The following BNC2 variants were observed in gnomAD, a reference collection of about 807,000 sequenced individuals.
The protein encoded by BNC2 is zinc finger protein basonuclin-2.
BNC2 carries 20 observed loss-of-function variants against 76.3 expected under a neutral mutation model. The observed-to-expected ratio is 0.26, with a 90% confidence interval of 0.18 to 0.38. The LOEUF is 0.38. BNC2 is among the 10% of genes least tolerant of loss of function. The pLI, the probability that BNC2 is intolerant of heterozygous loss-of-function variation, is 1.00. For synonymous variants in BNC2, 582 were observed against 514.8 expected, an observed-to-expected ratio of 1.13 and a Z score of -1.77; for missense variants, 1,382 against 1,399.8, an observed-to-expected ratio of 0.99 and a Z score of 0.20.
At chr9:16,497,987 G>GTGTA (rs1822427455) in intron 5 of BNC2, among the ~76,000 whole-genome samples, 2 of 114,484 alleles carry the variant, frequency 1.7e-5, no homozygotes, top group Non-Finnish European at 3.0e-5. Context: ...TGGTGTGTGT[G>GTGTA]TGTGTGTGTG....
At chr9:16,715,217 T>C (rs896961865) in intron 3 of BNC2, among the ~76,000 whole-genome samples, 42 of 152,240 alleles carry the variant, frequency 2.8e-4, no homozygotes, top group Non-Finnish European at 7.3e-5. Context: ...TATTTTAAAA[T>C]CCTTATGCTT....
chr9:16,849,543 G>C (rs1452470367), intron 1 of BNC2, among the ~76,000 whole-genome samples: 3 of 151,822 alleles, frequency 2.0e-5, no homozygotes, highest in Non-Finnish European at 4.4e-5. Context: ...ATTTTTAGTA[G>C]AGATGGGGTT....
At chr9:16,528,190 T>C (rs1031526495) in intron 5 of BNC2, among the ~76,000 whole-genome samples, 3 of 152,228 alleles carry the variant, frequency 2.0e-5, no homozygotes, top group Non-Finnish European at 2.9e-5. Context: ...AGATAATTGT[T>C]ACTAACAAAC....
At chr9:16,781,059 G>A (rs1229746954) in intron 1 of BNC2, among the ~76,000 whole-genome samples, 3 of 151,678 alleles carry the variant, frequency 2.0e-5, no homozygotes, top group African/African-American at 7.3e-5. Flanking sequence ...CTTTATCCAG[G>A]GACTTCTTTT....
intron 5 of BNC2, among the ~76,000 whole-genome samples, chr9:16,533,582 T>C (rs1287440620): frequency 6.6e-6 from 1 of 151,976 alleles, no homozygotes; most frequent in Non-Finnish European, 1.5e-5. Flanking sequence ...TGAGGATGAA[T>C]CAAATATTCA....
At position 16,730,966 on chromosome 9, in the gene BNC2, A is replaced by G. The variant is rs532452647; in HGVS notation, c.130-2969T>C. 2.0e-5 allele frequency among the ~76,000 whole-genome samples: 3 copies of G among 152,330 alleles called. No individual in the cohort carries two copies. The South Asian group carries it at 6.2e-4, about 32-fold the overall frequency. On this transcript the variant is annotated intron_variant, in intron 2 of 6. Transcript: ENST00000380672. The stretch of plus-strand genomic sequence containing the variant: ...TTCTCTAACACTCATTTTAAAATAA[A>G]TATTTGAAAAGAACATTTAATCCCT...
chr9:16,470,714 T>C (rs1256736203), intron 5 of BNC2, among the ~76,000 whole-genome samples: 2 of 152,174 alleles, frequency 1.3e-5, no homozygotes, highest in South Asian at 2.1e-4. Flanking sequence ...TGTGCGCAGA[T>C]GCACAGAAGT....
chr9:16,635,387 G>C (rs931761356), intron 3 of BNC2, among the ~76,000 whole-genome samples: 10 of 151,732 alleles, frequency 6.6e-5, no homozygotes, highest in African/African-American at 1.9e-4. Flanking sequence ...TTTTTTTCTT[G>C]GTCTCTGTCA....
intron 1 of BNC2, among the ~76,000 whole-genome samples, chr9:16,815,843 A>T (rs952121237): frequency 9.2e-5 from 14 of 152,172 alleles, no homozygotes; most frequent in South Asian, 2.1e-4. Context: ...AAGACAGAGT[A>T]ACTATGCCTT....
chr9:16,791,842 C>CCT (rs1336380900), intron 1 of BNC2, among the ~76,000 whole-genome samples: 2 of 152,130 alleles, frequency 1.3e-5, no homozygotes, highest in African/African-American at 4.8e-5. Flanking sequence ...GCGGCTCACA[C>CCT]CTGTAACCCC....
intron 3 of BNC2, among the ~76,000 whole-genome samples, chr9:16,583,326 C>T (rs922577480): frequency 6.6e-6 from 1 of 152,044 alleles, no homozygotes; most frequent in Non-Finnish European, 1.5e-5. Flanking sequence ...AAATTACAAA[C>T]TTAGAATAAA....
rs1820515154 is a variant in BNC2 at position 16,413,341 on chromosome 9, A to C, written c.*5648T>G. On this transcript the variant is annotated 3_prime_UTR_variant, in exon 7 of 7. Transcript: ENST00000380672. ...ATAATGCTGATCCAATTCAGTGTAC[A>C]TGTAAAAATGCTTAGTTTTTTTTTT... 7.1e-6 allele frequency: 1 copy of C among 141,434 alleles called. No homozygotes were observed. The highest frequency in any genetic ancestry group is 1.5e-5 in the Non-Finnish European group (1 of 66,946). The allele number at this position is 141,434 out of a possible 1,614,324, so 8.8% of individuals were successfully genotyped here.
intron 5 of BNC2, among the ~76,000 whole-genome samples, chr9:16,519,870 G>A (rs753508725): frequency 2.6e-5 from 4 of 152,148 alleles, no homozygotes; most frequent in Non-Finnish European, 5.9e-5. Flanking sequence ...CTTCCAGGTA[G>A]AACTAAAGGA....
At position 16,591,254 on chromosome 9, in the gene BNC2, A is replaced by G. The variant is rs184616218; in HGVS notation, c.331-8169T>C. ...ACTAAGCTTACTTAAGACCAGCATG[A>G]ACTACAAGACTACATATCAATTTCA... On this transcript the variant is annotated intron_variant, in intron 3 of 6. Transcript: ENST00000380672. Among the ~76,000 whole-genome samples, 242 of 152,324 alleles carry G rather than the reference A, an allele frequency of 1.6e-3. 4 individuals carry two copies. In the South Asian group the frequency reaches 0.016, roughly 10 times the overall value.
At chr9:16,732,913 A>G (rs770640527) in intron 2 of BNC2, among the ~76,000 whole-genome samples, 1 of 152,198 alleles carries the variant, frequency 6.6e-6, no homozygotes, top group Non-Finnish European at 1.5e-5. Context: ...ATCCAATCTT[A>G]TATGTGGACT....
intron 3 of BNC2, among the ~76,000 whole-genome samples, chr9:16,664,587 C>A (rs1480323125): frequency 6.6e-6 from 1 of 152,028 alleles, no homozygotes; most frequent in Non-Finnish European, 1.5e-5. Flanking sequence ...TTCCTGTAAA[C>A]TGCCTGTATC....
At chr9:16,543,080 A>C (rs1818373972) in intron 5 of BNC2, among the ~76,000 whole-genome samples, 1 of 152,190 alleles carries the variant, frequency 6.6e-6, no homozygotes, top group Non-Finnish European at 1.5e-5. Flanking sequence ...ACAGTAGCTC[A>C]AATAAAACGT....
At chr9:16,511,445 T>TTAA (rs1413453268) in intron 5 of BNC2, among the ~76,000 whole-genome samples, 7 of 139,034 alleles carry the variant, frequency 5.0e-5, no homozygotes, top group Non-Finnish European at 9.3e-5. Context: ...TTTTTTTTTT[T>TTAA]GAGGCAGGGT....
intron 1 of BNC2, among the ~76,000 whole-genome samples, chr9:16,767,284 T>A (rs1825721608): frequency 6.6e-6 from 1 of 152,224 alleles, no homozygotes; most frequent in Admixed American, 6.5e-5. Context: ...ACTGAAATAC[T>A]GGCAGGCTGG....
Sources: allele counts gnomAD v4.1 joint callset (sites outside exome capture counted in the v4.1 genomes callset), GRCh38; gene constraint gnomAD v4.1.1; transcripts MANE v1.5; gene names NCBI Gene and HGNC (gene_info 2026-07-23, HGNC 2026-07-21).